The following LAMA2 variants were observed in gnomAD, a reference collection of about 807,000 sequenced individuals.
LAMA2 encodes laminin subunit alpha 2.
Under a neutral mutation model 364.8 loss-of-function variants are expected in LAMA2, and 269 were observed. That is an observed-to-expected ratio of 0.74 (90% confidence interval 0.67 to 0.82). The LOEUF is 0.82. Among genes scored for constraint, LAMA2 ranks in the 40% least tolerant of loss-of-function variants. The pLI is 0.00. For synonymous variants in LAMA2, 1,379 were observed against 1,370.6 expected (o/e 1.01, Z -0.14); for missense variants, 3,807 against 3,873.2 (o/e 0.98, Z 0.45).
chr6:129,187,202 A>G (rs1781279414), intron 10 of LAMA2, among the ~76,000 whole-genome samples: 1 of 151,738 alleles, frequency 6.6e-6, no homozygotes, highest in Non-Finnish European at 1.5e-5. Context: ...ACAATGGTCG[A>G]TGAGTCACAA....
intron 12 of LAMA2, among the ~76,000 whole-genome samples, chr6:129,233,062 A>G (rs1465656529): frequency 6.6e-6 from 1 of 152,116 alleles, no homozygotes; most frequent in Non-Finnish European, 1.5e-5. Context: ...GAACAAGGAG[A>G]TAGATTCTCC....
At chr6:129,384,004 T>A (rs1237038467) in intron 35 of LAMA2, among the ~76,000 whole-genome samples, 1 of 152,212 alleles carries the variant, frequency 6.6e-6, no homozygotes, top group African/African-American at 2.4e-5. Context: ...TGCTTCATAA[T>A]GTAGCCAAAT....
At chr6:129,373,747 C>G (rs1778218968) in intron 34 of LAMA2, among the ~76,000 whole-genome samples, 1 of 152,070 alleles carries the variant, frequency 6.6e-6, no homozygotes, top group African/African-American at 2.4e-5. Context: ...GGGTTTGCCT[C>G]ATATCTTTCT....
intron 4 of LAMA2, among the ~76,000 whole-genome samples, chr6:129,125,601 T>C (rs767603936): frequency 2.0e-5 from 3 of 152,152 alleles, no homozygotes; most frequent in Non-Finnish European, 2.9e-5. Flanking sequence ...GGGAAATGTG[T>C]GCTTAGACCT....
chr6:129,355,836 G>A (rs556005936), intron 32 of LAMA2, among the ~76,000 whole-genome samples: 1 of 152,236 alleles, frequency 6.6e-6, no homozygotes, highest in East Asian at 1.9e-4. Flanking sequence ...TCATGGATTT[G>A]TGTATTTCAA....
intron 27 of LAMA2, among the ~76,000 whole-genome samples, chr6:129,319,746 A>T (rs1031648805): frequency 6.6e-6 from 1 of 152,210 alleles, no homozygotes; most frequent in African/African-American, 2.4e-5. Flanking sequence ...CAGAAGCCAT[A>T]CTGATAACAT....
intron 37 of LAMA2, among the ~76,000 whole-genome samples, chr6:129,395,908 G>A (rs530590321): frequency 3.3e-5 from 5 of 152,314 alleles, no homozygotes; most frequent in African/African-American, 1.2e-4. Context: ...GGCTTGGAAA[G>A]AAGACTGCAT....
intron 12 of LAMA2, among the ~76,000 whole-genome samples, chr6:129,206,070 A>G (rs55667333): frequency 0.032 from 2,987 of 92,322 alleles, 258 homozygotes; most frequent in African/African-American, 0.14. Flanking sequence ...GGGAAGGGAA[A>G]GGAAAGGAAA....
chr6:128,966,879 GT>G (rs1306898092), intron 1 of LAMA2, among the ~76,000 whole-genome samples: 1 of 152,076 alleles, frequency 6.6e-6, no homozygotes, highest in African/African-American at 2.4e-5. Flanking sequence ...CTGGCTTTTT[GT>G]TTTTAATCTG....
At chr6:129,158,591 T>C in intron 8 of LAMA2, 3 of 1,614,070 alleles carry the variant, frequency 1.9e-6, no homozygotes, top group Non-Finnish European at 2.5e-6. Flanking sequence ...TGCAATAATG[T>C]TTGTAACAAA....
intron 32 of LAMA2, among the ~76,000 whole-genome samples, chr6:129,357,335 G>A (rs1165296181): frequency 2.0e-5 from 3 of 151,962 alleles, no homozygotes; most frequent in African/African-American, 7.2e-5. Flanking sequence ...CTCTCCTAGA[G>A]AACAGAAATT....
intron 1 of LAMA2, among the ~76,000 whole-genome samples, chr6:128,995,894 G>T (rs1259552943): frequency 6.6e-6 from 1 of 151,920 alleles, no homozygotes; most frequent in African/African-American, 2.4e-5. Context: ...TTTTCTTTAG[G>T]ACGTTTAGAG....
chr6:129,239,234 G>A (rs1230466018), intron 12 of LAMA2, among the ~76,000 whole-genome samples: 4 of 152,168 alleles, frequency 2.6e-5, no homozygotes, highest in Non-Finnish European at 5.9e-5. Context: ...ATTCACTCCT[G>A]TCACACACAG....
intron 19 of LAMA2, among the ~76,000 whole-genome samples, chr6:129,289,385 T>C (rs1789519052): frequency 6.6e-6 from 1 of 152,160 alleles, no homozygotes; most frequent in Admixed American, 6.5e-5. Flanking sequence ...TCATGAATTT[T>C]CTGTGGGGAC....
chr6:129,405,634 A>G (rs1185142179), intron 40 of LAMA2, among the ~76,000 whole-genome samples: 1 of 152,226 alleles, frequency 6.6e-6, no homozygotes, highest in Non-Finnish European at 1.5e-5. Flanking sequence ...TGACTATTGG[A>G]TAAGAAAAAG....
rs773929989 is a variant in LAMA2, at chr6:128,938,520, GA to G, written c.112+55164del. ...TAGAGAAGCTGCTAGGCAAACATAA[GA>G]TTTTTTTAAATCTAGCACAAGGACC... On this transcript the variant is annotated intron_variant, in intron 1 of 64. Coordinates refer to ENST00000421865, the MANE Select transcript of LAMA2 (RefSeq NM_000426.4). Among the ~76,000 whole-genome samples the G allele has an allele frequency of 3.2e-4, 49 of 152,096 alleles. 1 individual carries two copies. Among genetic ancestry groups the G allele is most frequent in the Non-Finnish European group, 6.2e-4 (42 of 67,994 alleles).
chr6:129,356,394 T>C (rs1777155375), intron 32 of LAMA2, among the ~76,000 whole-genome samples: 1 of 152,112 alleles, frequency 6.6e-6, no homozygotes, highest in Non-Finnish European at 1.5e-5. Flanking sequence ...TAATTTTATT[T>C]AAAGGCTCAC....
chr6:129,321,613 A>G (rs917889023), intron 28 of LAMA2, among the ~76,000 whole-genome samples: 1 of 152,214 alleles, frequency 6.6e-6, no homozygotes, highest in Non-Finnish European at 1.5e-5. Context: ...TGAAGACTAA[A>G]TGAGCTGTTA....
At chr6:129,010,539 T>C (rs567554582) in intron 1 of LAMA2, among the ~76,000 whole-genome samples, 54 of 152,310 alleles carry the variant, frequency 3.5e-4, no homozygotes, top group African/African-American at 1.3e-3. Context: ...TCAACATATC[T>C]TTTGCCTACT....
Sources: gnomAD v4.1 joint callset for allele counts (sites outside exome capture counted in the v4.1 genomes callset) on GRCh38, gnomAD v4.1.1 for gene constraint, MANE v1.5 for transcripts, NCBI Gene and HGNC (gene_info 2026-07-23, HGNC 2026-07-21) for gene names.